MYO3A: variants seen among roughly 807,000 people sequenced by gnomAD.
MYO3A encodes myosin-IIIa.
In MYO3A, 180 loss-of-function variants were observed where a neutral mutation model predicts 192.7. That is an observed-to-expected ratio of 0.93 (90% CI 0.83 to 1.06). MYO3A has a LOEUF of 1.06. MYO3A is among the 50% of genes least tolerant of loss of function. The pLI, the probability that MYO3A is intolerant of heterozygous loss-of-function variation, is 0.00. For synonymous variants in MYO3A, 628 were observed against 645.3 expected (o/e 0.97, Z 0.41); for missense variants, 1,896 against 1,905.0 (o/e 1.00, Z 0.09).
chr10:26,037,287 T>A lies in MYO3A; in HGVS notation c.953+10755T>A, dbSNP rs115947547. ...CTAGTACTTTGCATGTAGTAAGTGCTCAATAAATTTATATTATTTTGAATT... is the reference window on the plus strand; with the variant it reads ...CTAGTACTTTGCATGTAGTAAGTGCACAATAAATTTATATTATTTTGAATT... On this transcript the variant is annotated intron_variant, in intron 10 of 34. Transcript: ENST00000642920. Among the ~76,000 whole-genome samples the A allele has an allele frequency of 8.7e-3, 1,319 of 152,340 alleles. 16 individuals are homozygous for A. The highest frequency in any genetic ancestry group is 0.029 in the African/African-American group (1,200 of 41,566).
At chr10:26,193,918 G>A (rs1843274030) in intron 32 of MYO3A, among the ~76,000 whole-genome samples, 1 of 152,168 alleles carries the variant, frequency 6.6e-6, no homozygotes, top group African/African-American at 2.4e-5. Context: ...GGACTCATTG[G>A]CGTTGCCCCT....
chr10:26,183,522 C>CA (rs928075654), intron 31 of MYO3A, among the ~76,000 whole-genome samples: 16 of 150,698 alleles, frequency 1.1e-4, no homozygotes, highest in Admixed American at 8.6e-4. Flanking sequence ...GACTTCGTCT[C>CA]AAAAAAAATA....
intron 4 of MYO3A, among the ~76,000 whole-genome samples, chr10:25,967,599 C>T (rs1234032140): frequency 6.6e-6 from 1 of 152,058 alleles, no homozygotes; most frequent in Admixed American, 6.6e-5. Context: ...GAATATGCAG[C>T]CCATTATCAG....
chr10:26,008,992 T>C (rs1315322262), intron 6 of MYO3A, among the ~76,000 whole-genome samples: 1 of 151,834 alleles, frequency 6.6e-6, no homozygotes, highest in African/African-American at 2.4e-5. Context: ...TGTCCAACAA[T>C]GATAGACTGG....
chr10:25,962,448 T>G (rs1044452147), intron 4 of MYO3A, among the ~76,000 whole-genome samples: 2 of 152,160 alleles, frequency 1.3e-5, no homozygotes, highest in African/African-American at 4.8e-5. Context: ...TGGAAACTAA[T>G]TTAGTTTTTT....
At chr10:26,166,036 A>G (rs1260844148) in intron 26 of MYO3A, 31 bp from the exon 27 acceptor site, 2 of 1,573,254 alleles carry the variant, frequency 1.3e-6, no homozygotes. Context: ...CACTTTATGC[A>G]ATACTAACCA....
At chr10:26,125,181 T>A (rs1185150929) in intron 18 of MYO3A, among the ~76,000 whole-genome samples, 1 of 152,230 alleles carries the variant, frequency 6.6e-6, no homozygotes, top group African/African-American at 2.4e-5. Context: ...TATGTTATAA[T>A]ATGCAGTAAC....
intron 17 of MYO3A, among the ~76,000 whole-genome samples, chr10:26,097,948 G>A (rs1588950345): frequency 6.6e-6 from 1 of 152,272 alleles, no homozygotes; most frequent in East Asian, 1.9e-4. Flanking sequence ...GGAATGGCTG[G>A]GTCAAATGGT....
intron 14 of MYO3A, among the ~76,000 whole-genome samples, chr10:26,085,433 T>C (rs905252037): frequency 6.6e-6 from 1 of 152,234 alleles, no homozygotes; most frequent in Admixed American, 6.5e-5. Flanking sequence ...CTGCATTCCA[T>C]AGGCTTGGTA....
chr10:25,996,333 ATATATTCATTTTATT>A (rs1402417475), intron 4 of MYO3A, among the ~76,000 whole-genome samples, 142 bp from the exon 5 acceptor site: 8 of 152,266 alleles, frequency 5.3e-5, no homozygotes, highest in Non-Finnish European at 1.0e-4. Context: ...GTCTAAGTTT[ATATATTCATTTTATT>A]TATGAAAGCA....
intron 10 of MYO3A, among the ~76,000 whole-genome samples, chr10:26,038,760 T>A (rs760521155): frequency 6.6e-6 from 1 of 152,170 alleles, no homozygotes; most frequent in Non-Finnish European, 1.5e-5. Flanking sequence ...ATATTCCCAA[T>A]CTTAGAGGAA....
chr10:26,171,312 A>T (rs1842033704), intron 29 of MYO3A, among the ~76,000 whole-genome samples: 1 of 152,170 alleles, frequency 6.6e-6, no homozygotes, highest in Admixed American at 6.5e-5. Flanking sequence ...TGTTTTTAAC[A>T]TCAAGTCTGG....
chr10:26,200,861 C>T (rs1843647033), intron 32 of MYO3A: 1 of 152,678 alleles, frequency 6.5e-6, no homozygotes, highest in African/African-American at 2.4e-5. Context: ...TACCTGCAGA[C>T]AAAGAAGCAA....
intron 31 of MYO3A, among the ~76,000 whole-genome samples, chr10:26,190,576 C>G (rs2132135733): frequency 6.6e-6 from 1 of 152,260 alleles, no homozygotes; most frequent in South Asian, 2.1e-4. Context: ...ATCACTTAGT[C>G]ATCTTAAGCA....
intron 4 of MYO3A, among the ~76,000 whole-genome samples, chr10:25,975,518 C>A (rs1838915261): frequency 1.3e-5 from 2 of 152,076 alleles, no homozygotes; most frequent in African/African-American, 4.8e-5. Context: ...TAAGGTTTCT[C>A]TAGGGTCTAC....
At chr10:26,177,144 G>A (rs957685064) in intron 31 of MYO3A, among the ~76,000 whole-genome samples, 1 of 152,052 alleles carries the variant, frequency 6.6e-6, no homozygotes, top group African/African-American at 2.4e-5. Flanking sequence ...GGGGCTGGCA[G>A]GAGGCAGATT....
In MYO3A at chr10:26,157,338, T is replaced by C; in HGVS notation, c.2822T>C (p.Met941Thr). The C allele has an allele frequency of 2.5e-6, 4 of 1,614,154 alleles. No individual in the cohort carries two copies. The highest frequency in any genetic ancestry group is 3.4e-6 in the Non-Finnish European group (4 of 1,179,994). ...RYSLMDLLSK[M>T]VVGQPHFVRC... ...TCCCTGATGGATTTGTTGTCTAAAA[T>C]GGTGGTGGGCCAACCTCATTTTGTC... The change falls in exon 26 of 35, where the codon ATG (methionine) becomes ACG (threonine). Residue 941 changes from methionine to threonine, a missense_variant. Transcript: ENST00000642920.
intron 15 of MYO3A, among the ~76,000 whole-genome samples, chr10:26,092,384 T>C (rs1457638539): frequency 2.6e-5 from 4 of 151,370 alleles, no homozygotes; most frequent in Admixed American, 6.6e-5. Flanking sequence ...GAGAATGGCA[T>C]GAACCTGGGA....
chr10:25,991,661 T>A (rs1016260901), intron 4 of MYO3A, among the ~76,000 whole-genome samples: 2 of 152,240 alleles, frequency 1.3e-5, no homozygotes, highest in Admixed American at 1.3e-4. Flanking sequence ...AACATTTAAG[T>A]CTTTAATCCA....
Sources: allele counts gnomAD v4.1 joint callset (sites outside exome capture counted in the v4.1 genomes callset), GRCh38; gene constraint gnomAD v4.1.1; transcripts MANE v1.5; gene names NCBI Gene and HGNC (gene_info 2026-07-23, HGNC 2026-07-21).